The following PHACTR1 variants were observed in gnomAD, a reference collection of about 807,000 sequenced individuals.
The protein encoded by PHACTR1 is phosphatase and actin regulator 1.
Under a neutral mutation model 69.2 loss-of-function variants are expected in PHACTR1, and 16 were observed. The observed-to-expected ratio is 0.23, with a 90% CI of 0.16 to 0.35. The LOEUF (loss-of-function observed/expected upper bound fraction) is 0.35, where lower values mean the gene tolerates loss of function less well. Ranked by LOEUF, PHACTR1 falls within the 10% of genes least tolerant of loss-of-function variation. The pLI, the probability that PHACTR1 is intolerant of heterozygous loss-of-function variation, is 1.00. For synonymous variants in PHACTR1, 312 were observed against 284.5 expected (o/e 1.10, Z -0.97); for missense variants, 510 against 734.7 (o/e 0.69, Z 3.54).
chr6:12,998,089 G>A (rs918549981), intron 4 of PHACTR1, among the ~76,000 whole-genome samples: 2 of 152,078 alleles, frequency 1.3e-5, no homozygotes, highest in Admixed American at 6.5e-5. Flanking sequence ...GGTACATCAC[G>A]AAAGTAGCTT....
chr6:13,156,939 C>G (rs2113506009), intron 5 of PHACTR1, among the ~76,000 whole-genome samples: 1 of 152,228 alleles, frequency 6.6e-6, no homozygotes, highest in East Asian at 1.9e-4. Flanking sequence ...CATCCCCTGC[C>G]TAGATGCCTG....
intron 4 of PHACTR1, among the ~76,000 whole-genome samples, chr6:12,901,919 A>G (rs760451771): frequency 2.6e-5 from 4 of 152,164 alleles, no homozygotes; most frequent in Admixed American, 6.5e-5. Context: ...GTGGTTTCTC[A>G]ACAAGGGAAG....
At chr6:13,189,078 A>G (rs1378927155) in intron 7 of PHACTR1, among the ~76,000 whole-genome samples, 1 of 152,274 alleles carries the variant, frequency 6.6e-6, no homozygotes, top group East Asian at 1.9e-4. Context: ...TGCCTTCTGC[A>G]TAAGGTACCT....
chr6:12,749,948 G>A (rs1766377116), intron 4 of PHACTR1, among the ~76,000 whole-genome samples, 158 bp downstream of exon 4: 1 of 152,152 alleles, frequency 6.6e-6, no homozygotes, highest in African/African-American at 2.4e-5. Context: ...GAGGGCGTGT[G>A]TGCGAGCTAC....
At chr6:13,030,222 T>TA (rs1387776955) in intron 4 of PHACTR1, among the ~76,000 whole-genome samples, 2 of 34,652 alleles carry the variant, frequency 5.8e-5, no homozygotes, top group African/African-American at 1.4e-4. Flanking sequence ...GCAACAGACG[T>TA]TTTATTTGCA....
chr6:12,785,282 G>T (rs1771399733), intron 4 of PHACTR1, among the ~76,000 whole-genome samples: 1 of 152,076 alleles, frequency 6.6e-6, no homozygotes, highest in Non-Finnish European at 1.5e-5. Context: ...ATTTTGTATT[G>T]TCATAGAAAA....
chr6:13,139,393 G>A (rs896722699), intron 5 of PHACTR1, among the ~76,000 whole-genome samples: 2 of 151,950 alleles, frequency 1.3e-5, no homozygotes, highest in Non-Finnish European at 2.9e-5. Context: ...CAGCTGTTTG[G>A]TCCTCTTCAC....
At chr6:12,729,047 A>T (rs1449415841) in intron 3 of PHACTR1, among the ~76,000 whole-genome samples, 2 of 152,186 alleles carry the variant, frequency 1.3e-5, no homozygotes, top group Admixed American at 6.5e-5. Context: ...TATGTTAATT[A>T]TGCTTTAATT....
intron 4 of PHACTR1, among the ~76,000 whole-genome samples, chr6:12,935,937 G>A (rs534152380): frequency 1.3e-4 from 19 of 151,876 alleles, no homozygotes; most frequent in African/African-American, 4.3e-4. Context: ...TGGGAGGTAT[G>A]TTTTCTCATT....
rs1175508536 is a variant in PHACTR1 at position 12,718,866 on chromosome 6, G to T, written c.103+19G>T. The stretch of plus-strand genomic sequence containing the variant: ...GCTCAAGGTAATAAAATAAGAAAAA[G>T]AAATTCCTCTTATTTGCACGTCGGT... On this transcript the variant is annotated intron_variant, in intron 3 of 14. Coordinates refer to ENST00000332995, the MANE Select transcript of PHACTR1 (RefSeq NM_030948.6). 2.7e-6 allele frequency: 4 copies of T among 1,459,864 alleles called. No individual in the cohort carries two copies. The allele number at this position is 1,459,864 out of a possible 1,614,324, so 90.4% of individuals were successfully genotyped here. A position where few individuals can be genotyped will look rare whatever the true frequency, so the allele number is the denominator to read the frequency against.
At chr6:13,052,378 T>A (rs1806096460) in intron 4 of PHACTR1, among the ~76,000 whole-genome samples, 1 of 152,212 alleles carries the variant, frequency 6.6e-6, no homozygotes, top group African/African-American at 2.4e-5. Flanking sequence ...CTGGATGAAT[T>A]TTTTGAGGGA....
intron 4 of PHACTR1, among the ~76,000 whole-genome samples, chr6:12,854,685 T>C (rs1780166732): frequency 6.6e-6 from 1 of 151,866 alleles, no homozygotes; most frequent in South Asian, 2.1e-4. Flanking sequence ...CTTACACTAA[T>C]CAACAAGAGA....
intron 5 of PHACTR1, among the ~76,000 whole-genome samples, chr6:13,072,694 T>C (rs1376798855): frequency 1.3e-5 from 2 of 152,220 alleles, no homozygotes; most frequent in African/African-American, 2.4e-5. Context: ...TTTCTTTTCT[T>C]TATTTTTTCT....
At chr6:12,912,584 C>T (rs556686991) in intron 4 of PHACTR1, among the ~76,000 whole-genome samples, 4 of 152,312 alleles carry the variant, frequency 2.6e-5, no homozygotes, top group South Asian at 2.1e-4. Flanking sequence ...TCCACTCCCC[C>T]ACCCTGATAG....
At chr6:13,126,659 A>G (rs1221236609) in intron 5 of PHACTR1, among the ~76,000 whole-genome samples, 4 of 152,356 alleles carry the variant, frequency 2.6e-5, no homozygotes, top group Admixed American at 2.0e-4. Context: ...TGTTAAGTGC[A>G]TATCTGGGCT....
intron 5 of PHACTR1, among the ~76,000 whole-genome samples, chr6:13,135,407 C>G (rs1439005887): frequency 6.6e-6 from 1 of 152,254 alleles, no homozygotes; most frequent in Non-Finnish European, 1.5e-5. Context: ...CTGCCCTGCA[C>G]CCCGGATGCA....
chr6:13,200,114 G>C (rs1328053564), intron 7 of PHACTR1, among the ~76,000 whole-genome samples: 1 of 152,210 alleles, frequency 6.6e-6, no homozygotes, highest in African/African-American at 2.4e-5. Flanking sequence ...CTGGCCTTGA[G>C]TGCTGCAGTA....
At chr6:13,111,812 T>G (rs538994171) in intron 5 of PHACTR1, among the ~76,000 whole-genome samples, 1 of 150,472 alleles carries the variant, frequency 6.6e-6, no homozygotes, top group Admixed American at 6.6e-5. Context: ...ATAGTTTTTC[T>G]CTTCTTCCTG....
intron 4 of PHACTR1, among the ~76,000 whole-genome samples, chr6:12,759,321 T>C (rs1479230970): frequency 6.6e-6 from 1 of 152,082 alleles, no homozygotes; most frequent in Non-Finnish European, 1.5e-5. Flanking sequence ...CTCTAATATA[T>C]TTTTGTTACA....
Sources: allele counts gnomAD v4.1 joint callset (sites outside exome capture counted in the v4.1 genomes callset), GRCh38; gene constraint gnomAD v4.1.1; transcripts MANE v1.5; gene names NCBI Gene and HGNC (gene_info 2026-07-23, HGNC 2026-07-21).